Variants in PTPRK observed in about 807,000 individuals in gnomAD.
PTPRK encodes the protein receptor-type tyrosine-protein phosphatase kappa.
In PTPRK, 75 loss-of-function variants were observed where a neutral mutation model predicts 178.0. That is an observed-to-expected ratio of 0.42 (90% CI 0.35 to 0.51). PTPRK has a LOEUF of 0.51. Ranked by LOEUF, PTPRK falls within the 20% of genes least tolerant of loss-of-function variation. The probability of loss-of-function intolerance (pLI) is 0.02; values close to 1 mark genes in which losing one functional copy is unlikely to be tolerated. For synonymous variants in PTPRK, 637 were observed against 620.6 expected (o/e 1.03, Z -0.39); for missense variants, 1,441 against 1,797.8 (o/e 0.80, Z 3.59).
chr6:128,320,666 T>A (rs1383015036), intron 3 of PTPRK, among the ~76,000 whole-genome samples: 1 of 152,082 alleles, frequency 6.6e-6, no homozygotes, highest in Non-Finnish European at 1.5e-5. Flanking sequence ...TATGACAGAT[T>A]CTCATGAAAT....
intron 7 of PTPRK, among the ~76,000 whole-genome samples, chr6:128,099,761 A>G (rs1005420560): frequency 3.3e-5 from 5 of 152,026 alleles, no homozygotes; most frequent in African/African-American, 1.2e-4. Flanking sequence ...TTATTTGTCC[A>G]TTTCCTTTTC....
chr6:128,082,363 T>TG, intron 10 of PTPRK, 74 bp downstream of exon 10: 1 of 1,366,194 alleles, frequency 7.3e-7, no homozygotes, highest in Non-Finnish European at 1.0e-6. Flanking sequence ...TTGGTTTATA[T>TG]GTGATTCTCC....
intron 3 of PTPRK, among the ~76,000 whole-genome samples, chr6:128,280,916 T>A (rs1201551060): frequency 1.3e-5 from 2 of 152,330 alleles, no homozygotes; most frequent in African/African-American, 4.8e-5. Context: ...TTGTAGCATA[T>A]TCTTTGAGTA....
intron 6 of PTPRK, among the ~76,000 whole-genome samples, chr6:128,205,804 A>C (rs79625882): frequency 2.7e-5 from 4 of 150,536 alleles, no homozygotes; most frequent in African/African-American, 9.8e-5. Context: ...AAAAAAAAAA[A>C]ATTCAAGTTA....
intron 1 of PTPRK, among the ~76,000 whole-genome samples, chr6:128,497,130 T>C (rs1301008206): frequency 2.0e-5 from 3 of 152,250 alleles, no homozygotes; most frequent in Non-Finnish European, 4.4e-5. Flanking sequence ...GATGACTATA[T>C]TCTATACTAC....
chr6:128,063,825 G>C (rs1243999515), intron 13 of PTPRK, among the ~76,000 whole-genome samples: 1 of 152,122 alleles, frequency 6.6e-6, no homozygotes, highest in African/African-American at 2.4e-5. Context: ...AAGCACAAAT[G>C]CTGATTGAGC....
intron 1 of PTPRK, among the ~76,000 whole-genome samples, chr6:128,439,593 C>T (rs1584730757): frequency 6.6e-6 from 1 of 152,254 alleles, no homozygotes; most frequent in African/African-American, 2.4e-5. Flanking sequence ...ATCACAAAAA[C>T]AGTCCAAACA....
chr6:128,077,671 C>T (rs760886278), intron 11 of PTPRK, among the ~76,000 whole-genome samples: 3 of 151,528 alleles, frequency 2.0e-5, no homozygotes, highest in Non-Finnish European at 4.4e-5. Flanking sequence ...TCTGTGCCTT[C>T]ATTTATTTCT....
chr6:128,159,705 G>C (rs192511444), intron 7 of PTPRK, among the ~76,000 whole-genome samples: 40 of 151,778 alleles, frequency 2.6e-4, no homozygotes, highest in African/African-American at 9.6e-4. Flanking sequence ...ACGTAAACTT[G>C]TACAGGACCT....
chr6:128,052,341 AT>A (rs1442560459), intron 13 of PTPRK, among the ~76,000 whole-genome samples: 1 of 152,222 alleles, frequency 6.6e-6, no homozygotes, highest in East Asian at 1.9e-4. Context: ...TTCAGATCCC[AT>A]TCAAAATTCC....
intron 3 of PTPRK, among the ~76,000 whole-genome samples, chr6:128,308,105 C>T (rs1826700770): frequency 6.6e-6 from 1 of 151,626 alleles, no homozygotes; most frequent in South Asian, 2.1e-4. Context: ...AAAATGATTA[C>T]CACTACATAA....
intron 13 of PTPRK, among the ~76,000 whole-genome samples, chr6:128,011,965 G>T (rs1779108414): frequency 6.6e-6 from 1 of 150,592 alleles, no homozygotes; most frequent in Admixed American, 6.6e-5. Context: ...GGTTAATAAA[G>T]AAAAAAAAGC....
intron 5 of PTPRK, among the ~76,000 whole-genome samples, chr6:128,221,312 C>G (rs1398045456): frequency 6.6e-6 from 1 of 151,760 alleles, no homozygotes; most frequent in Non-Finnish European, 1.5e-5. Context: ...ATCACGAGGT[C>G]AGGAGATCAA....
chr6:128,172,625 A>T (rs943438103), intron 7 of PTPRK, among the ~76,000 whole-genome samples: 2 of 151,480 alleles, frequency 1.3e-5, no homozygotes, highest in East Asian at 1.9e-4. Context: ...ATATATATAT[A>T]GTGTGTGTGT....
chr6:128,119,455 A>G (rs1792096713), intron 7 of PTPRK, among the ~76,000 whole-genome samples: 1 of 152,076 alleles, frequency 6.6e-6, no homozygotes, highest in African/African-American at 2.4e-5. Flanking sequence ...TATTTCACAA[A>G]CTTCTTTAGG....
At chr6:128,009,084 T>C (rs1168018506) in intron 14 of PTPRK, 46 bp downstream of exon 14, 2 of 1,490,426 alleles carry the variant, frequency 1.3e-6, no homozygotes, top group Non-Finnish European at 1.8e-6. Flanking sequence ...TTAAAACCAG[T>C]GACATAAATG....
At chr6:128,317,499 G>A (rs943870506) in intron 3 of PTPRK, among the ~76,000 whole-genome samples, 4 of 151,630 alleles carry the variant, frequency 2.6e-5, no homozygotes, top group Middle Eastern at 3.4e-3. Flanking sequence ...ATTCTGCCAC[G>A]TGTCTCATAT....
intron 3 of PTPRK, among the ~76,000 whole-genome samples, chr6:128,287,208 C>G (rs1207552206): frequency 6.6e-6 from 1 of 152,054 alleles, no homozygotes; most frequent in African/African-American, 2.4e-5. Flanking sequence ...TCTGCCAGGC[C>G]CAGATACTAC....
chr6:128,097,852 A>G (rs1458414417), intron 7 of PTPRK, among the ~76,000 whole-genome samples: 1 of 152,166 alleles, frequency 6.6e-6, no homozygotes, highest in East Asian at 1.9e-4. Flanking sequence ...TTTTAGCAAC[A>G]GTATAAATCA....
Sources: allele counts gnomAD v4.1 joint callset (sites outside exome capture counted in the v4.1 genomes callset), GRCh38; gene constraint gnomAD v4.1.1; transcripts MANE v1.5; gene names NCBI Gene and HGNC (gene_info 2026-07-23, HGNC 2026-07-21).